Variants in RUFY3 observed in about 807,000 individuals in gnomAD.
RUFY3 encodes the protein protein RUFY3.
A neutral mutation model predicts 84.0 loss-of-function variants in RUFY3; 34 were observed. That is an observed-to-expected ratio of 0.40 (90% confidence interval 0.31 to 0.54). RUFY3 has a LOEUF of 0.54. Among genes scored for constraint, RUFY3 ranks in the 20% least tolerant of loss-of-function variants. The pLI, the probability that RUFY3 is intolerant of heterozygous loss-of-function variation, is 0.39. For missense variants in RUFY3, 507 were observed against 736.8 expected (o/e 0.69, Z 3.61); for synonymous variants, 242 against 252.9 (o/e 0.96, Z 0.41).
At chr4:70,786,552 G>A (rs1729848315) in intron 10 of RUFY3, among the ~76,000 whole-genome samples, 1 of 151,776 alleles carries the variant, frequency 6.6e-6, no homozygotes, top group South Asian at 2.1e-4. Flanking sequence ...AGAGGCTTTT[G>A]AATGTTCTCA....
intron 1 of RUFY3, chr4:70,741,700 C>G: frequency 6.9e-7 from 1 of 1,451,478 alleles, no homozygotes; most frequent in African/African-American, 1.4e-5. Flanking sequence ...ACACCAACAT[C>G]TTTCAGCTTT....
At chr4:70,767,259 ATTTTTTTTTTTT>A (rs779388140) in intron 4 of RUFY3, among the ~76,000 whole-genome samples, 12 of 49,688 alleles carry the variant, frequency 2.4e-4, no homozygotes, top group South Asian at 1.3e-3. Flanking sequence ...CTAATTTTGT[ATTTTTTTTTTTT>A]TTTTTTTTTT....
chr4:70,793,547 A>C (rs1731127236), intron 12 of RUFY3: 2 of 1,379,954 alleles, frequency 1.4e-6, no homozygotes, highest in Non-Finnish European at 1.9e-6. Flanking sequence ...AATAAAAAAA[A>C]TGGAAAATCA....
intron 8 of RUFY3, among the ~76,000 whole-genome samples, chr4:70,778,705 G>A (rs531032466): frequency 5.4e-5 from 8 of 148,322 alleles, no homozygotes; most frequent in East Asian, 2.0e-4. Flanking sequence ...TCAGCCTCCC[G>A]AGTAGCTGGG....
chr4:70,745,789 C>T (rs10029880), intron 1 of RUFY3, among the ~76,000 whole-genome samples: 17,364 of 152,100 alleles, frequency 0.11, 2,136 homozygotes, highest in African/African-American at 0.31. Context: ...TTAAGTTAAA[C>T]AAAATTGTTA....
chr4:70,721,173 G>T (rs1172086842), upstream of RUFY3, among the ~76,000 whole-genome samples: 3 of 151,822 alleles, frequency 2.0e-5, no homozygotes, highest in African/African-American at 7.3e-5. Flanking sequence ...TTAGCTGGGC[G>T]TGGTGGTGGG....
intron 15 of RUFY3, 182 bp from the exon 16 acceptor site, chr4:70,802,774 G>C: frequency 2.1e-6 from 1 of 473,728 alleles, no homozygotes; most frequent in Non-Finnish European, 3.7e-6. Context: ...TTCATTTTAA[G>C]AAGCAAAGTT....
chr4:70,779,145 A>G lies in RUFY3; in HGVS notation c.894+707A>G, dbSNP rs548209258. On this transcript the variant is annotated intron_variant, in intron 8 of 17. Transcript: ENST00000381006. ...GCATTGATTTATGTTCCAGATTGGC[A>G]AACTCCCCACCACTTATGTCCTTGT... Among the ~76,000 whole-genome samples the G allele has an allele frequency of 2.6e-5, 4 of 152,350 alleles. No homozygotes were observed. The East Asian group carries it at 7.7e-4, about 29-fold the overall frequency.
intron 10 of RUFY3, among the ~76,000 whole-genome samples, chr4:70,785,626 C>T (rs529976859): frequency 4.0e-5 from 6 of 150,968 alleles, no homozygotes; most frequent in African/African-American, 1.2e-4. Flanking sequence ...GTCGGGAGTT[C>T]GAGACCAGCA....
At chr4:70,779,815 C>G (rs1361155366) in intron 8 of RUFY3, among the ~76,000 whole-genome samples, 1 of 152,002 alleles carries the variant, frequency 6.6e-6, no homozygotes, top group Non-Finnish European at 1.5e-5. Flanking sequence ...CTCAAGTGAC[C>G]CGCCTGCCTC....
intron 4 of RUFY3, among the ~76,000 whole-genome samples, chr4:70,767,731 T>G (rs1426347555): frequency 6.6e-6 from 1 of 151,890 alleles, no homozygotes; most frequent in Admixed American, 6.6e-5. Context: ...CAGGCTGGAG[T>G]GCAGTGGCAC....
chr4:70,767,093 T>G (rs1726066597), intron 4 of RUFY3, among the ~76,000 whole-genome samples: 1 of 151,978 alleles, frequency 6.6e-6, no homozygotes, highest in Non-Finnish European at 1.5e-5. Flanking sequence ...TCCCTTTTTT[T>G]TTGTTCTTTG....
chr4:70,791,207 C>T (rs868227720), intron 12 of RUFY3: 3 of 1,602,740 alleles, frequency 1.9e-6, no homozygotes, highest in Non-Finnish European at 1.7e-6. Context: ...ACTTCATTGT[C>T]ATTTTTATTT....
At chr4:70,705,125 C>T (rs1251736353) in exon 1 of RUFY3, 2 of 1,437,236 alleles carry the variant, frequency 1.4e-6, no homozygotes, top group Non-Finnish European at 1.8e-6. Context: ...CGGTGGCCGC[C>T]CCCTTCTTCC....
At chr4:70,724,036 T>C (rs1160732143) in intron 1 of RUFY3, among the ~76,000 whole-genome samples, 1 of 152,250 alleles carries the variant, frequency 6.6e-6, no homozygotes, top group African/African-American at 2.4e-5. Context: ...AATTGGTTTG[T>C]TAATTAGACA....
intron 1 of RUFY3, among the ~76,000 whole-genome samples, chr4:70,726,351 C>T (rs961614751): frequency 6.6e-6 from 1 of 152,106 alleles, no homozygotes; most frequent in Non-Finnish European, 1.5e-5. Context: ...CTAACAAAAG[C>T]ACTACCATCA....
At chr4:70,782,777 G>A (rs1474883745) in intron 8 of RUFY3, among the ~76,000 whole-genome samples, 1 of 152,042 alleles carries the variant, frequency 6.6e-6, no homozygotes, top group Admixed American at 6.5e-5. Flanking sequence ...GTTGGGCGTG[G>A]TGGTGCATGC....
intron 1 of RUFY3, among the ~76,000 whole-genome samples, chr4:70,738,455 C>T (rs920171068): frequency 2.0e-5 from 3 of 148,390 alleles, no homozygotes; most frequent in Non-Finnish European, 3.0e-5. Context: ...CCCCGCCTCC[C>T]GGGTTGAAGC....
chr4:70,747,943 A>G (rs1722498950), intron 1 of RUFY3, among the ~76,000 whole-genome samples: 1 of 152,158 alleles, frequency 6.6e-6, no homozygotes, highest in Non-Finnish European at 1.5e-5. Context: ...ACAGTTACTC[A>G]ACTTTTTCAT....
Sources: allele counts gnomAD v4.1 joint callset (sites outside exome capture counted in the v4.1 genomes callset), GRCh38; gene constraint gnomAD v4.1.1; transcripts MANE v1.5; gene names NCBI Gene and HGNC (gene_info 2026-07-23, HGNC 2026-07-21).